TSPAN1: variants seen among roughly 807,000 people sequenced by gnomAD.
TSPAN1 encodes tetraspanin-1.
A neutral mutation model predicts 26.9 loss-of-function variants in TSPAN1; 23 were observed. The observed-to-expected ratio is 0.85, with a 90% CI of 0.62 to 1.21. TSPAN1 has a LOEUF of 1.21. TSPAN1 is among the 50% of genes most tolerant of loss of function. The probability of loss-of-function intolerance (pLI) is 0.00; values close to 1 mark genes in which losing one functional copy is unlikely to be tolerated. For synonymous variants in TSPAN1, 115 were observed against 114.8 expected, an observed-to-expected ratio of 1.00 and a Z score of -0.01; for missense variants, 283 against 298.4, an observed-to-expected ratio of 0.95 and a Z score of 0.38.
chr1:46,196,178 C>T, the TSPAN1 span: 2 of 1,584,104 alleles, frequency 1.3e-6, no homozygotes, highest in Non-Finnish European at 1.7e-6. The surrounding 1 kb of genome is among the most constrained non-coding windows in gnomAD (Gnocchi z 4.4). Context: ...ACATCACCTC[C>T]TGCCTATGTT....
chr1:46,195,769 G>C, the TSPAN1 span: 1 of 1,530,098 alleles, frequency 6.5e-7, no homozygotes, highest in Non-Finnish European at 8.9e-7. Flanking sequence ...AGCAGGGTTG[G>C]AGCTAGGGAG....
At chr1:46,191,963 T>C in the TSPAN1 span, 5 of 1,387,052 alleles carry the variant, frequency 3.6e-6, no homozygotes, top group African/African-American at 7.2e-5. Context: ...ATAAAGAAAC[T>C]GAGGCAAAAA....
At position 46,185,815 on chromosome 1, in the gene TSPAN1, G is replaced by GC; in HGVS notation, c.*287dup. On this transcript the variant is annotated 3_prime_UTR_variant, in exon 9 of 9. Transcript: ENST00000372003. The stretch of plus-strand genomic sequence containing the variant: ...CCCCAGTCTATTAAACCCTTGATAT[G>GC]CCCCCTAGGCCTAGTGGTGATCCCA... 1 of 532,876 alleles carries GC rather than the reference G, an allele frequency of 1.9e-6. No individual in the cohort carries two copies. The highest frequency in any genetic ancestry group is 2.1e-5 in the South Asian group (1 of 46,600). 33.0% of individuals were successfully genotyped at this position (532,876 alleles called of 1,614,324 possible).
chr1:46,176,494 G>A, intron 1 of TSPAN1: 1 of 1,534,430 alleles, frequency 6.5e-7, no homozygotes, highest in South Asian at 1.2e-5. Context: ...CTTCTGCAGT[G>A]TGCCTGGGGG....
Position 46,185,623 on chromosome 1 carries a change from A to C in TSPAN1, c.*90A>C. The C allele has an allele frequency of 6.9e-7, 1 of 1,453,546 alleles. No homozygotes were observed. Among genetic ancestry groups the C allele is most frequent in the Non-Finnish European group, 9.6e-7 (1 of 1,044,972 alleles). The allele number at this position is 1,453,546 out of a possible 1,614,324, so 90.0% of individuals were successfully genotyped here. On this transcript the variant is annotated 3_prime_UTR_variant, in exon 9 of 9. Coordinates refer to ENST00000372003, the MANE Select transcript of TSPAN1 (RefSeq NM_005727.4). ...AGCAGTGATTGGGGGAGGGGACAGG[A>C]TCTAACAATGTCACTTGGGCCAGAA... is the stretch of plus-strand genomic sequence containing the variant.
At chr1:46,192,385 T>G in the TSPAN1 span, 3 of 1,614,224 alleles carry the variant, frequency 1.9e-6, no homozygotes, top group Non-Finnish European at 2.5e-6. Flanking sequence ...AGCCCAGGCA[T>G]GGTCTCCACA....
downstream of TSPAN1, among the ~76,000 whole-genome samples, chr1:46,186,963 C>T (rs536420839): frequency 4.6e-5 from 7 of 152,102 alleles, no homozygotes; most frequent in East Asian, 1.9e-4. Context: ...TGCCCGGCCA[C>T]GCCCGGCTAA....
intron 3 of TSPAN1, chr1:46,183,483 G>T (rs1571638427): frequency 6.5e-6 from 1 of 153,128 alleles, no homozygotes; most frequent in South Asian, 2.1e-4. Flanking sequence ...TCTAAGATCT[G>T]TGGGAACTGC....
At chr1:46,195,544 C>T in the TSPAN1 span, 1 of 515,232 alleles carries the variant, frequency 1.9e-6, no homozygotes, top group Non-Finnish European at 3.6e-6. Context: ...CTGTTGACCT[C>T]CCACTGCTGG....
rs556784125 is a variant in TSPAN1 at position 46,180,092 on chromosome 1, G to A, written c.-141-434G>A. The stretch of plus-strand genomic sequence containing the variant: ...TCAGTCCACAAAGAATTTAGTGTGC[G>A]TGTGTGCGCACGGACGCACACACAC... On this transcript the variant is annotated intron_variant, in intron 1 of 8. Coordinates refer to ENST00000372003, the MANE Select transcript of TSPAN1 (RefSeq NM_005727.4). 3.3e-5 allele frequency among the ~76,000 whole-genome samples: 5 copies of A among 152,318 alleles called. No individual in the cohort carries two copies. The South Asian group carries it at 6.2e-4, about 19-fold the overall frequency.
the TSPAN1 span, chr1:46,193,873 C>A: frequency 6.2e-7 from 1 of 1,614,080 alleles, no homozygotes; most frequent in Non-Finnish European, 8.5e-7. Context: ...GTAATTGGGT[C>A]GGTTCCCTGC....
rs1250111651 is a variant in TSPAN1, at chr1:46,175,406, C to G, written c.-145C>G. 1 of 392,242 alleles carries G rather than the reference C, an allele frequency of 2.5e-6. No individual in the cohort carries two copies. The highest frequency in any genetic ancestry group is 2.1e-5 in the African/African-American group (1 of 48,470). 24.3% of individuals were successfully genotyped at this position (392,242 alleles called of 1,614,324 possible). On this transcript the variant is annotated 5_prime_UTR_variant, in exon 1 of 9. Transcript: ENST00000372003. ...CCCTGCTGCGGTCACTGAAGCCTTT[C>G]CCTGTAAGTATTCAGCCATAACCCT...
chr1:46,186,484 TTTTC>T (rs1456232141), downstream of TSPAN1, among the ~76,000 whole-genome samples: 3 of 149,900 alleles, frequency 2.0e-5, no homozygotes, highest in Non-Finnish European at 4.4e-5. Context: ...TTTTCTTTTC[TTTTC>T]TTTTTTTTTT....
chr1:46,180,320 G>A (rs1260535760), intron 1 of TSPAN1, among the ~76,000 whole-genome samples: 1 of 152,184 alleles, frequency 6.6e-6, no homozygotes, highest in Non-Finnish European at 1.5e-5. Flanking sequence ...GAAGCCACTT[G>A]CCCCACCCCT....
downstream of TSPAN1, chr1:46,190,868 C>T (rs1408536420): frequency 2.1e-5 from 27 of 1,308,396 alleles, no homozygotes; most frequent in East Asian, 6.2e-4. Flanking sequence ...ATCTATAAGA[C>T]ACACAAATGA....
At chr1:46,184,551 G>GGACT in intron 4 of TSPAN1, 43 bp from the exon 5 acceptor site, 1 of 1,609,318 alleles carries the variant, frequency 6.2e-7, no homozygotes, top group South Asian at 1.1e-5. Context: ...AGGGCATGAG[G>GGACT]GACTGTCTCT....
At chr1:46,194,652 CT>C in the TSPAN1 span, 2 of 1,614,256 alleles carry the variant, frequency 1.2e-6, no homozygotes, top group South Asian at 2.2e-5. Context: ...AAGACAGGAC[CT>C]GGCAGGAGGC....
Position 46,181,142 on chromosome 1 carries a change from T to G in TSPAN1, c.35T>G (p.Ile12Ser). The change falls in exon 3 of 9, where the codon ATC (isoleucine) becomes AGC (serine). Residue 12 changes from isoleucine to serine, a missense_variant. Physicochemically the swap from Ile to Ser is moderately radical, Grantham distance 142. Coordinates refer to ENST00000372003, the MANE Select transcript of TSPAN1 (RefSeq NM_005727.4). Reference protein sequence around the residue: ...QCFSFIKTMMILFNLLIFLCG... With the variant: ...QCFSFIKTMMSLFNLLIFLCG... ...TTCAGCTTCATTAAGACCATGATGATCCTCTTCAATTTGCTCATCTTTGTA... is the reference window on the plus strand; with the variant it reads ...TTCAGCTTCATTAAGACCATGATGAGCCTCTTCAATTTGCTCATCTTTGTA... The G allele has an allele frequency of 6.2e-7, 1 of 1,613,848 alleles. No individual in the cohort carries two copies. Among genetic ancestry groups the G allele is most frequent in the Middle Eastern group, 1.7e-4 (1 of 6,058 alleles).
chr1:46,190,466 G>A (rs1210488940), downstream of TSPAN1: 1 of 1,588,476 alleles, frequency 6.3e-7, no homozygotes. Flanking sequence ...ATTGTCCTAG[G>A]CCATACCTGA....
Sources: gnomAD v4.1 joint callset for allele counts (sites outside exome capture counted in the v4.1 genomes callset) on GRCh38, gnomAD v4.1.1 for gene constraint, Gnocchi (gnomAD v3.1) non-coding constraint, MANE v1.5 for transcripts, NCBI Gene and HGNC (gene_info 2026-07-23, HGNC 2026-07-21) for gene names.